Variants in PDGFRA observed in about 807,000 individuals in gnomAD.
PDGFRA encodes platelet derived growth factor receptor alpha.
Under a neutral mutation model 121.5 loss-of-function variants are expected in PDGFRA, and 25 were observed. The ratio of observed to expected loss-of-function variants is 0.21; its 90% CI spans 0.15 to 0.29. PDGFRA has a LOEUF of 0.29. Among genes scored for constraint, PDGFRA ranks in the 10% least tolerant of loss-of-function variants. The pLI is 1.00. For synonymous variants in PDGFRA, 463 were observed against 494.8 expected (o/e 0.94, Z 0.85); for missense variants, 1,008 against 1,345.1 (o/e 0.75, Z 3.92).
chr4:54,257,632 A>G (rs1455536080), intron 1 of PDGFRA, among the ~76,000 whole-genome samples: 2 of 152,200 alleles, frequency 1.3e-5, no homozygotes, highest in Non-Finnish European at 2.9e-5. Flanking sequence ...ATACCTGGGT[A>G]CTTACTGGCC....
intron 1 of PDGFRA, among the ~76,000 whole-genome samples, chr4:54,252,907 G>T (rs1193149341): frequency 1.3e-5 from 2 of 151,136 alleles, no homozygotes; most frequent in African/African-American, 2.4e-5. Flanking sequence ...CATTGCCTTT[G>T]GTTATAGAGT....
In PDGFRA at chr4:54,295,544, A is replaced by G. The variant is rs1254998857; in HGVS notation, c.*272A>G. The G allele has an allele frequency of 2.0e-6, 1 of 494,542 alleles. No individual in the cohort carries two copies. The highest frequency in any genetic ancestry group is 3.7e-6 in the Non-Finnish European group (1 of 270,206). The allele number at this position is 494,542 out of a possible 1,614,324, so 30.6% of individuals were successfully genotyped here. On this transcript the variant is annotated 3_prime_UTR_variant, in exon 23 of 23. Coordinates refer to ENST00000257290, the MANE Select transcript of PDGFRA (RefSeq NM_006206.6). Reference sequence around the variant, plus strand: ...TGGATAAGGGAATAATAGGCCACAGAAGGTGAACTTTGTGCTTCAAGGACA... The same window carrying G: ...TGGATAAGGGAATAATAGGCCACAGGAGGTGAACTTTGTGCTTCAAGGACA...
chr4:54,290,587 T>C, intron 22 of PDGFRA, 33 bp downstream of exon 22: 1 of 1,613,376 alleles, frequency 6.2e-7, no homozygotes, highest in Non-Finnish European at 8.5e-7. Context: ...TGTCTCACCT[T>C]TCCCCTCCCC....
At chr4:54,279,902 TTACATA>T (rs1560484917) in intron 15 of PDGFRA, among the ~76,000 whole-genome samples, 1 of 147,598 alleles carries the variant, frequency 6.8e-6, no homozygotes, top group Non-Finnish European at 1.5e-5. Context: ...TATAGCTGAG[TTACATA>T]TATATATATA....
intron 22 of PDGFRA, 88 bp downstream of exon 22, chr4:54,290,642 C>T (rs954274855): frequency 5.8e-5 from 85 of 1,458,916 alleles, no homozygotes; most frequent in Non-Finnish European, 7.6e-5. Context: ...TAATGGTGCA[C>T]TCCCGGTTGG....
chr4:54,285,287 G>A (rs1724281225), intron 16 of PDGFRA, 84 bp from the exon 17 acceptor site: 2 of 762,494 alleles, frequency 2.6e-6, no homozygotes, highest in Non-Finnish European at 4.9e-6. Context: ...AAATATTTTT[G>A]GATGTGTTCT....
intron 1 of PDGFRA, among the ~76,000 whole-genome samples, chr4:54,233,060 C>T (rs1720781805): frequency 6.6e-6 from 1 of 152,044 alleles, no homozygotes; most frequent in Non-Finnish European, 1.5e-5. Context: ...TCCCGCTCTC[C>T]CCCCTCTCTC....
chr4:54,290,420 G>C lies in PDGFRA; in HGVS notation c.2988G>C (p.Glu996Asp), dbSNP rs748269104. Residue 996 changes from glutamate to aspartate, a missense_variant, in exon 22 of 23, where the codon GAG (glutamate) becomes GAC (aspartate). By Grantham distance (45) the Glu-to-Asp change is conservative. This residue lies in a region of PDGFRA where 204 missense variants were observed against 243.0 expected (regional missense o/e 0.84). Transcript: ENST00000257290. The part of the protein sequence containing the change: ...NAYIGVTYKN[E>D]EDKLKDWEGG... ...ACATTGGTGTCACCTACAAAAACGA[G>C]GAAGACAAGCTGAAGGACTGGGAGG... The C allele has an allele frequency of 6.2e-7, 1 of 1,613,942 alleles. No homozygotes were observed. Among genetic ancestry groups the C allele is most frequent in the African/African-American group, 1.3e-5 (1 of 74,948 alleles).
chr4:54,241,562 A>G (rs952664905), intron 1 of PDGFRA, among the ~76,000 whole-genome samples: 2 of 149,770 alleles, frequency 1.3e-5, no homozygotes, highest in Non-Finnish European at 3.0e-5. Flanking sequence ...TTTATGATTT[A>G]TTTTGAGAAG....
At chr4:54,278,092 C>A in intron 14 of PDGFRA, 86 bp downstream of exon 14, 2 of 839,040 alleles carry the variant, frequency 2.4e-6, no homozygotes, top group South Asian at 1.4e-5. Flanking sequence ...CCTCCACTCT[C>A]CATCCCCACA....
intron 1 of PDGFRA, among the ~76,000 whole-genome samples, chr4:54,236,759 T>A (rs1721037737): frequency 6.6e-6 from 1 of 151,676 alleles, no homozygotes. Context: ...GCTGAGATCA[T>A]GCCACTGCAC....
rs1191626640 is a variant in PDGFRA, at chr4:54,278,496, G to A, written c.2137G>A (p.Ala713Thr). 4 of 1,614,072 alleles carry A rather than the reference G, an allele frequency of 2.5e-6. No homozygotes were observed. The highest frequency in any genetic ancestry group is 1.1e-5 in the South Asian group (1 of 91,080). The change falls in exon 15 of 23, where the codon GCT becomes ACT. Residue 713 changes from alanine (A) to threonine (T), a missense_variant. Coordinates refer to ENST00000257290, the MANE Select transcript of PDGFRA (RefSeq NM_006206.6). The stretch of plus-strand genomic sequence containing the variant: ...GCTGGATATCTTTGGATTGAACCCT[G>A]CTGATGAAAGCACACGGAGGTGGGT... ...KELDIFGLNP[A>T]DESTRSYVIL...
At position 54,234,391 on chromosome 4, in the gene PDGFRA, C is replaced by T. The variant is rs1720891637; in HGVS notation, c.-13+4976C>T. On this transcript the variant is annotated intron_variant, in intron 1 of 22. Transcript: ENST00000257290. ...GAATTCCTCGCAGCGGCGTCTGTGT[C>T]GCAACCCGTGGACGCACGTCCTTGG... is the stretch of plus-strand genomic sequence containing the variant. 2.0e-5 allele frequency among the ~76,000 whole-genome samples: 3 copies of T among 152,352 alleles called. 1 individual carries two copies. The highest frequency in any genetic ancestry group is 2.0e-4 in the Admixed American group (3 of 15,310).
intron 1 of PDGFRA, among the ~76,000 whole-genome samples, chr4:54,232,773 C>A (rs1720757100): frequency 6.6e-6 from 1 of 151,926 alleles, no homozygotes; most frequent in Non-Finnish European, 1.5e-5. Flanking sequence ...TTAGTAGAGA[C>A]GGGGTTTCAC....
At chr4:54,286,224 T>C (rs934254098) in intron 18 of PDGFRA, among the ~76,000 whole-genome samples, 5 of 152,210 alleles carry the variant, frequency 3.3e-5, no homozygotes, top group Admixed American at 3.3e-4. Context: ...TAGTACCTAT[T>C]TGCTGAGTTG....
chr4:54,246,450 C>T (rs1238940524), intron 1 of PDGFRA, among the ~76,000 whole-genome samples: 1 of 152,148 alleles, frequency 6.6e-6, no homozygotes, highest in Non-Finnish European at 1.5e-5. Context: ...AACTGAACAA[C>T]CTGCTCCTGA....
In PDGFRA at chr4:54,272,485, T is replaced by C; in HGVS notation, c.1329T>C (p.Pro443=). 6.2e-7 allele frequency: 1 copy of C among 1,614,066 alleles called. No individual in the cohort carries two copies. Among genetic ancestry groups the C allele is most frequent in the East Asian group, 2.2e-5 (1 of 44,850 alleles). Residue 443 remains proline (P), a synonymous_variant, in exon 9 of 23, where the codon CCT becomes CCC. Transcript: ENST00000257290. Reference sequence around the variant, plus strand: ...GCACAGCTGAAGGCACGCCGCTTCCTGATATTGAGTGGATGATATGCAAAG... The same window carrying C: ...GCACAGCTGAAGGCACGCCGCTTCCCGATATTGAGTGGATGATATGCAAAG... ...VRCTAEGTPL[P]DIEWMICKDI...
chr4:54,281,177 C>T (rs1283257148), intron 16 of PDGFRA, among the ~76,000 whole-genome samples: 2 of 152,302 alleles, frequency 1.3e-5, no homozygotes, highest in African/African-American at 4.8e-5. Flanking sequence ...TTCACATCTG[C>T]TCAGGGTGGT....
At chr4:54,269,402 C>T (rs1723203697) in intron 7 of PDGFRA, among the ~76,000 whole-genome samples, 1 of 152,060 alleles carries the variant, frequency 6.6e-6, no homozygotes, top group South Asian at 2.1e-4. Flanking sequence ...GATCTTCTCA[C>T]TCCATGACCA....
Sources: allele counts gnomAD v4.1 joint callset (sites outside exome capture counted in the v4.1 genomes callset), GRCh38; gene constraint gnomAD v4.1.1; regional missense constraint gnomAD v4.1.1; transcripts MANE v1.5; gene names NCBI Gene and HGNC (gene_info 2026-07-23, HGNC 2026-07-21).